GPR84: variants seen among roughly 807,000 people sequenced by gnomAD.
GPR84 encodes G-protein coupled receptor 84.
In GPR84, 8 loss-of-function variants were observed where a neutral mutation model predicts 14.9. That is an observed-to-expected ratio of 0.54 (90% CI 0.31 to 0.97). GPR84 has a LOEUF of 0.97. Among genes scored for constraint, GPR84 ranks in the 50% least tolerant of loss-of-function variants. The pLI, the probability that GPR84 is intolerant of heterozygous loss-of-function variation, is 0.04. For synonymous variants in GPR84, 164 were observed against 198.1 expected, an observed-to-expected ratio of 0.83 and a Z score of 1.45; for missense variants, 424 against 498.7, an observed-to-expected ratio of 0.85 and a Z score of 1.43.
downstream of GPR84, among the ~76,000 whole-genome samples, chr12:54,359,327 A>C (rs544119382): frequency 2.2e-4 from 33 of 149,428 alleles, no homozygotes; most frequent in African/African-American, 6.9e-4. Context: ...GGCCAATGAA[A>C]GGCCCTGGGC....
chr12:54,364,095 C>G (rs1954303978), intron 1 of GPR84: 2 of 437,800 alleles, frequency 4.6e-6, no homozygotes, highest in South Asian at 5.4e-5. Flanking sequence ...CTAAATATCT[C>G]TTGCCTAAAT....
the GPR84 span, among the ~76,000 whole-genome samples, chr12:54,352,262 C>G: frequency 6.6e-6 from 1 of 152,184 alleles, no homozygotes; most frequent in South Asian, 2.1e-4. Flanking sequence ...TCGGAGCCAG[C>G]GCTGCTCCAG....
At chr12:54,358,788 C>CT (rs144917615), downstream of GPR84, among the ~76,000 whole-genome samples, 3,938 of 152,130 alleles carry the variant, frequency 0.026, 136 homozygotes, top group East Asian at 0.16. Flanking sequence ...TTAACCCTCT[C>CT]TCTCTTCCCC....
chr12:54,359,866 G>T (rs555015210), downstream of GPR84, among the ~76,000 whole-genome samples: 297 of 151,936 alleles, frequency 2.0e-3, no homozygotes, highest in Middle Eastern at 3.4e-3. Context: ...GCGGGTGGCT[G>T]CTTTTTTGCT....
chr12:54,350,844 G>C, the GPR84 span: 2 of 382,790 alleles, frequency 5.2e-6, no homozygotes, highest in Non-Finnish European at 4.9e-6. Context: ...GCCCTTTGCT[G>C]TAGCTACACT....
chr12:54,358,388 G>C (rs1202883900), downstream of GPR84, among the ~76,000 whole-genome samples: 2 of 151,936 alleles, frequency 1.3e-5, no homozygotes, highest in African/African-American at 4.8e-5. Flanking sequence ...CTTCTCTCAC[G>C]GCACCTTTCC....
Position 54,362,502 on chromosome 12 carries a change from C to G in GPR84, c.*159G>C. 1.5e-6 allele frequency: 1 copy of G among 656,390 alleles called. No homozygotes were observed. The allele number at this position is 656,390 out of a possible 1,614,324, so 40.7% of individuals were successfully genotyped here. ...ATAATACTCCTTGGGCAGTCTAGGGCTGAAACATTGATCAAGTGATGGAGA... is the reference window on the plus strand; with the variant it reads ...ATAATACTCCTTGGGCAGTCTAGGGGTGAAACATTGATCAAGTGATGGAGA... On this transcript the variant is annotated 3_prime_UTR_variant, in exon 2 of 2. Transcript: ENST00000267015. This position sits in a 1 kb window ranked among gnomAD's most constrained non-coding sequence, Gnocchi z 4.0.
At chr12:54,364,001 G>T in intron 1 of GPR84, 142 bp from the exon 2 acceptor site, 1 of 540,432 alleles carries the variant, frequency 1.9e-6, no homozygotes, top group Non-Finnish European at 3.3e-6. Context: ...ACCATTCCCA[G>T]GCCTCTTCAT....
chr12:54,352,321 C>T, the GPR84 span, among the ~76,000 whole-genome samples: 1 of 152,160 alleles, frequency 6.6e-6, no homozygotes, highest in Non-Finnish European at 1.5e-5. Context: ...TTTCCCCGTC[C>T]CTCCAGAGCC....
In GPR84 at chr12:54,362,968, G is replaced by A. The variant is rs1205555394; in HGVS notation, c.884C>T (p.Ser295Phe). The A allele has an allele frequency of 1.2e-6, 2 of 1,614,228 alleles. No individual in the cohort carries two copies. The highest frequency in any genetic ancestry group is 3.3e-5 in the Admixed American group (2 of 60,030). Residue 295 changes from serine (S) to phenylalanine (F), a missense_variant, in exon 2 of 2, where the codon TCT (serine) becomes TTT (phenylalanine). Coordinates refer to ENST00000267015, the MANE Select transcript of GPR84 (RefSeq NM_020370.3). This position sits in a 1 kb window ranked among gnomAD's most constrained non-coding sequence, Gnocchi z 4.0. ...QMAEKSPPEA[S>F]AKAQPIKGAR... Reference sequence around the variant, plus strand: ...TCCTTTAATTGGCTGGGCTTTGGCAGATGCTTCTGGAGGGCTTTTCTCTGC... The same window carrying A: ...TCCTTTAATTGGCTGGGCTTTGGCAAATGCTTCTGGAGGGCTTTTCTCTGC...
chr12:54,353,209 G>A, the GPR84 span, among the ~76,000 whole-genome samples: 2 of 152,150 alleles, frequency 1.3e-5, no homozygotes, highest in Admixed American at 6.5e-5. Context: ...ACATCCCCAA[G>A]CACTGACTGA....
chr12:54,350,719 CT>C, the GPR84 span: 1 of 603,800 alleles, frequency 1.7e-6, no homozygotes, highest in Non-Finnish European at 3.0e-6. Context: ...TCTTGCAGTT[CT>C]GGGAGTAAAG....
chr12:54,358,745 T>G (rs1954235293), downstream of GPR84, among the ~76,000 whole-genome samples: 1 of 152,128 alleles, frequency 6.6e-6, no homozygotes, highest in African/African-American at 2.4e-5. Context: ...TTCTCGGATC[T>G]TGGACAAATT....
downstream of GPR84, among the ~76,000 whole-genome samples, chr12:54,360,907 C>T (rs529752783): frequency 2.0e-4 from 30 of 152,264 alleles, no homozygotes; most frequent in South Asian, 6.2e-3. Context: ...TCTTCCTAAG[C>T]TTTGGGGGAA....
downstream of GPR84, among the ~76,000 whole-genome samples, chr12:54,359,064 G>A (rs894715971): frequency 4.6e-5 from 7 of 152,006 alleles, no homozygotes; most frequent in Non-Finnish European, 8.8e-5. Context: ...TGAGGAACAG[G>A]TAGAGGGAGC....
the GPR84 span, among the ~76,000 whole-genome samples, chr12:54,356,633 C>T: frequency 6.6e-6 from 1 of 152,170 alleles, no homozygotes; most frequent in African/African-American, 2.4e-5. Flanking sequence ...CTTGCCTTTA[C>T]CCTATTGTCC....
downstream of GPR84, among the ~76,000 whole-genome samples, chr12:54,361,080 T>A (rs7972520): frequency 0.043 from 6,507 of 152,266 alleles, 475 homozygotes; most frequent in African/African-American, 0.15. The surrounding 1 kb of genome is among the most constrained non-coding windows in gnomAD (Gnocchi z 4.3). Context: ...ACGCACATTG[T>A]GACAGGATTT....
Position 54,363,086 on chromosome 12 carries a change from A to G in GPR84, c.766T>C (p.Ser256Pro), listed in dbSNP as rs1954288590. The G allele has an allele frequency of 6.2e-7, 1 of 1,614,062 alleles. No individual in the cohort carries two copies. The highest frequency in any genetic ancestry group is 8.5e-7 in the Non-Finnish European group (1 of 1,180,006). Residue 256 changes from serine to proline, a missense_variant, in exon 2 of 2, where the codon TCT becomes CCT. By Grantham distance (74) the Ser-to-Pro change is moderately conservative. Transcript: ENST00000267015. ...GTGGTGGCAGCACTGACTGGCTCAG[A>G]TGAAATCCCCTCACTGGGTCCTCCT... Reference protein sequence around the residue: ...ASGGPSEGISSEPVSAATTQT... With the variant: ...ASGGPSEGISPEPVSAATTQT...
the GPR84 span, among the ~76,000 whole-genome samples, chr12:54,355,383 G>A: frequency 4.6e-5 from 7 of 151,728 alleles, no homozygotes; most frequent in South Asian, 2.1e-4. Context: ...AGGGGTCTGC[G>A]GTATGGATAG....
Sources: gnomAD v4.1 joint callset for allele counts (sites outside exome capture counted in the v4.1 genomes callset) on GRCh38, gnomAD v4.1.1 for gene constraint, Gnocchi (gnomAD v3.1) non-coding constraint, MANE v1.5 for transcripts, NCBI Gene and HGNC (gene_info 2026-07-23, HGNC 2026-07-21) for gene names.